The following CAMSAP1 variants were observed in gnomAD, a reference collection of about 807,000 sequenced individuals.
The protein encoded by CAMSAP1 is calmodulin regulated spectrin associated protein 1, also known as calmodulin-regulated spectrin-associated protein 1.
Under a neutral mutation model 143.5 loss-of-function variants are expected in CAMSAP1, and 58 were observed. The ratio of observed to expected loss-of-function variants is 0.40; its 90% CI spans 0.33 to 0.50. CAMSAP1 has a LOEUF of 0.50. Ranked by LOEUF, CAMSAP1 falls within the 20% of genes least tolerant of loss-of-function variation. The pLI, the probability that CAMSAP1 is intolerant of heterozygous loss-of-function variation, is 0.45. For missense variants in CAMSAP1, 1,969 were observed against 2,115.7 expected, an observed-to-expected ratio of 0.93 and a Z score of 1.36; for synonymous variants, 945 against 859.3, an observed-to-expected ratio of 1.10 and a Z score of -1.74.
chr9:135,875,951 C>T (rs1416645911), intron 3 of CAMSAP1, among the ~76,000 whole-genome samples: 4 of 152,210 alleles, frequency 2.6e-5, no homozygotes, highest in African/African-American at 2.4e-5. Flanking sequence ...ACAAAGAAAA[C>T]TTTAAAAGCC....
chr9:135,875,480 AG>A (rs1344769761), intron 3 of CAMSAP1, among the ~76,000 whole-genome samples: 1 of 152,036 alleles, frequency 6.6e-6, no homozygotes, highest in Non-Finnish European at 1.5e-5. Context: ...CAAAGTGCTG[AG>A]ATTACAGGCA....
chr9:135,815,073 C>T (rs1224194689), intron 16 of CAMSAP1, 24 bp downstream of exon 16: 1 of 1,503,526 alleles, frequency 6.7e-7, no homozygotes. Flanking sequence ...CACATAAAAA[C>T]TGAGGTTGAA....
chr9:135,907,032 A>G lies in CAMSAP1; in HGVS notation c.128T>C (p.Leu43Pro). The G allele has an allele frequency of 8.4e-7, 1 of 1,186,344 alleles. No homozygotes were observed. The highest frequency in any genetic ancestry group is 3.1e-4 in the Middle Eastern group (1 of 3,204). 73.5% of individuals were successfully genotyped at this position (1,186,344 alleles called of 1,614,324 possible). ...DAARAKIAAN[L>P]QWICAKAYGR... is the part of the protein sequence containing the mutation. ...GTAGGCCTTGGCGCAGATCCACTGC[A>G]GGTTGGCGGCGATCTTGGCGCGCGC... The change falls in exon 1 of 17, where the codon CTG becomes CCG. Residue 43 changes from leucine to proline, a missense_variant. This residue lies in a region of CAMSAP1 where 215 missense variants were observed against 196.2 expected (regional missense o/e 1.10). Transcript: ENST00000389532.
rs1211294551 is a variant in CAMSAP1, at chr9:135,882,125, C to G, written c.424-331G>C. On this transcript the variant is annotated intron_variant, in intron 2 of 16. Coordinates refer to ENST00000389532, the MANE Select transcript of CAMSAP1 (RefSeq NM_015447.4). The surrounding 1 kb of genome is among the most constrained non-coding windows in gnomAD (Gnocchi z 4.9). ...GACTCCCAGGAAAGGCGGTGCAGCTCCCAGGTCGTGGTTGTGGGAAGGCAG... is the reference window on the plus strand; with the variant it reads ...GACTCCCAGGAAAGGCGGTGCAGCTGCCAGGTCGTGGTTGTGGGAAGGCAG... Among the ~76,000 whole-genome samples, 1 of 152,184 alleles carries G rather than the reference C, an allele frequency of 6.6e-6. No individual in the cohort carries two copies. The highest frequency in any genetic ancestry group is 1.5e-5 in the Non-Finnish European group (1 of 68,038).
chr9:135,866,580 G>A (rs1036635584), intron 3 of CAMSAP1, 44 bp from the exon 4 acceptor site: 63 of 904,212 alleles, frequency 7.0e-5, no homozygotes, highest in African/African-American at 2.5e-4. Context: ...TTGCTGTCCC[G>A]CACAATTGTA....
intron 7 of CAMSAP1, among the ~76,000 whole-genome samples, chr9:135,838,683 G>C (rs1429607676): frequency 2.7e-5 from 4 of 147,756 alleles, no homozygotes; most frequent in African/African-American, 1.0e-4. Flanking sequence ...CCGTTCTACA[G>C]ACACACGTCA....
At chr9:135,878,345 C>T (rs570439126) in intron 3 of CAMSAP1, among the ~76,000 whole-genome samples, 5 of 152,102 alleles carry the variant, frequency 3.3e-5, no homozygotes, top group Non-Finnish European at 7.4e-5. Flanking sequence ...CATGGCCATT[C>T]CCCCACAGAT....
intron 7 of CAMSAP1, among the ~76,000 whole-genome samples, chr9:135,844,031 A>G (rs1034258361): frequency 1.3e-5 from 2 of 152,142 alleles, no homozygotes; most frequent in African/African-American, 4.8e-5. Flanking sequence ...CCCCACTGTC[A>G]ATATTAGACA....
chr9:135,892,594 T>C (rs1489299922), intron 1 of CAMSAP1, among the ~76,000 whole-genome samples: 1 of 152,008 alleles, frequency 6.6e-6, no homozygotes, highest in African/African-American at 2.4e-5. Context: ...GGCTCATTCC[T>C]GTAATCCCAG....
chr9:135,898,824 T>C (rs1044344314), intron 1 of CAMSAP1, among the ~76,000 whole-genome samples: 1 of 152,230 alleles, frequency 6.6e-6, no homozygotes, highest in Non-Finnish European at 1.5e-5. Context: ...GTTACACATA[T>C]GTATCTTATT....
At chr9:135,894,333 C>T (rs1838381634) in intron 1 of CAMSAP1, among the ~76,000 whole-genome samples, 1 of 152,224 alleles carries the variant, frequency 6.6e-6, no homozygotes, top group Non-Finnish European at 1.5e-5. Context: ...GGACTCCTCT[C>T]CCCACTGAGG....
chr9:135,904,824 G>A (rs558388703), intron 1 of CAMSAP1, among the ~76,000 whole-genome samples: 2 of 152,340 alleles, frequency 1.3e-5, no homozygotes, highest in South Asian at 4.1e-4. Context: ...AACTGGCCGG[G>A]AGTGGGGGCG....
chr9:135,838,857 C>G (rs966893435), intron 7 of CAMSAP1, among the ~76,000 whole-genome samples: 1 of 151,328 alleles, frequency 6.6e-6, no homozygotes, highest in Non-Finnish European at 1.5e-5. Flanking sequence ...TCTACCCATT[C>G]TGTAGCCACA....
In CAMSAP1 at chr9:135,857,046, T is replaced by C. The variant is rs564912698; in HGVS notation, c.808+5421A>G. ...GTGTCATTGGGGCTGCCTGCTTGTG[T>C]GTAACCTGCTTGGTCTCTCCACAGT... On this transcript the variant is annotated intron_variant, in intron 5 of 16. Transcript: ENST00000389532. Among the ~76,000 whole-genome samples, 8 of 152,324 alleles carry C rather than the reference T, an allele frequency of 5.3e-5. No homozygotes were observed. In the East Asian group the frequency reaches 1.4e-3, roughly 26 times the overall value.
intron 3 of CAMSAP1, among the ~76,000 whole-genome samples, chr9:135,871,975 G>T (rs957071117): frequency 6.6e-6 from 1 of 151,820 alleles, no homozygotes; most frequent in Admixed American, 6.6e-5. Context: ...AGTGGCAGGC[G>T]CCTGTAATCC....
intron 7 of CAMSAP1, among the ~76,000 whole-genome samples, chr9:135,845,059 A>T (rs1341896278): frequency 1.3e-5 from 2 of 152,218 alleles, no homozygotes; most frequent in African/African-American, 4.8e-5. Flanking sequence ...CGGCAGAGAC[A>T]CAACAAAAAA....
intron 5 of CAMSAP1, among the ~76,000 whole-genome samples, chr9:135,857,409 G>T (rs1837018045): frequency 6.6e-6 from 1 of 152,072 alleles, no homozygotes; most frequent in African/African-American, 2.4e-5. Flanking sequence ...CCAAGAACTG[G>T]TTTTTGGCGG....
Position 135,850,157 on chromosome 9 carries a change from T to A in CAMSAP1, c.1025A>T (p.Asp342Val). The A allele has an allele frequency of 6.2e-7, 1 of 1,611,166 alleles. No homozygotes were observed. The highest frequency in any genetic ancestry group is 8.5e-7 in the Non-Finnish European group (1 of 1,178,770). The change falls in exon 7 of 17, where the codon GAT (aspartate) becomes GTT (valine). Residue 342 changes from aspartate to valine, a missense_variant. Coordinates refer to ENST00000389532, the MANE Select transcript of CAMSAP1 (RefSeq NM_015447.4). ...CTCACCGTCTTTCAGCTCCTGAACA[T>A]CCCTGGGCTGAACAAAATCTGGCTT... is the stretch of plus-strand genomic sequence containing the variant. ...NVKPDFVQPRDVQELKDAKTV... is the reference protein window; with the variant it reads ...NVKPDFVQPRVVQELKDAKTV...
rs1410026498 is a variant in CAMSAP1, at chr9:135,836,391, G to A, written c.1046-8807C>T. On this transcript the variant is annotated intron_variant, in intron 7 of 16. Coordinates refer to ENST00000389532, the MANE Select transcript of CAMSAP1 (RefSeq NM_015447.4). ...CTTCTACCCTGTTCTACAGACACACGTTACCACGCTTTTTCTACTCCGTTC... is the reference window on the plus strand; with the variant it reads ...CTTCTACCCTGTTCTACAGACACACATTACCACGCTTTTTCTACTCCGTTC... 12 of 970,954 alleles carry A rather than the reference G, an allele frequency of 1.2e-5. No individual in the cohort carries two copies. In the South Asian group the frequency reaches 1.5e-4, roughly 12 times the overall value. 60.1% of individuals were successfully genotyped at this position (970,954 alleles called of 1,614,324 possible).
Sources: allele counts gnomAD v4.1 joint callset (sites outside exome capture counted in the v4.1 genomes callset), GRCh38; gene constraint gnomAD v4.1.1; regional missense constraint gnomAD v4.1.1; non-coding constraint Gnocchi (gnomAD v3.1); transcripts MANE v1.5; gene names NCBI Gene and HGNC (gene_info 2026-07-23, HGNC 2026-07-21).